SIPA1L1: variants seen among roughly 807,000 people sequenced by gnomAD.
SIPA1L1 encodes the protein signal-induced proliferation-associated 1-like protein 1.
SIPA1L1 carries 26 observed loss-of-function variants against 162.7 expected under a neutral mutation model. The observed-to-expected ratio is 0.16, with a 90% CI of 0.12 to 0.22. The LOEUF is 0.22. Among genes scored for constraint, SIPA1L1 ranks in the 10% least tolerant of loss-of-function variants. The pLI, the probability that SIPA1L1 is intolerant of heterozygous loss-of-function variation, is 1.00. For synonymous variants in SIPA1L1, 829 were observed against 837.4 expected (o/e 0.99, Z 0.17); for missense variants, 1,874 against 2,241.0 (o/e 0.84, Z 3.31).
intron 2 of SIPA1L1, among the ~76,000 whole-genome samples, chr14:71,384,176 A>G (rs948164741): frequency 2.6e-5 from 4 of 152,224 alleles, no homozygotes; most frequent in African/African-American, 4.8e-5. Context: ...TAAAGATCAG[A>G]TAAGTCCAAC....
chr14:71,661,266 G>A (rs1412378674), intron 9 of SIPA1L1, 44 bp from the exon 10 acceptor site: 4 of 1,599,204 alleles, frequency 2.5e-6, no homozygotes, highest in South Asian at 2.2e-5. Flanking sequence ...GGCGGGGGAA[G>A]CAAATGATTG....
intron 2 of SIPA1L1, among the ~76,000 whole-genome samples, chr14:71,327,185 C>T (rs1021221287): frequency 2.0e-5 from 3 of 150,252 alleles, no homozygotes; most frequent in Non-Finnish European, 2.9e-5. Context: ...CGGGTTCAAG[C>T]GATTCTCCTG....
At chr14:71,716,789 T>C (rs2083301790) in intron 17 of SIPA1L1, among the ~76,000 whole-genome samples, 1 of 152,240 alleles carries the variant, frequency 6.6e-6, no homozygotes, top group African/African-American at 2.4e-5. Context: ...TCGCCACAGC[T>C]GGGAATGTAA....
At chr14:71,332,463 A>G (rs2034658852) in intron 2 of SIPA1L1, among the ~76,000 whole-genome samples, 1 of 152,162 alleles carries the variant, frequency 6.6e-6, no homozygotes, top group Admixed American at 6.5e-5. Flanking sequence ...ATATATAGAG[A>G]GAAATAAACA....
intron 5 of SIPA1L1, among the ~76,000 whole-genome samples, chr14:71,604,245 C>G (rs1393710570): frequency 6.6e-6 from 1 of 151,880 alleles, no homozygotes; most frequent in East Asian, 1.9e-4. Context: ...GCCATCTGCT[C>G]CAGCCTCCCA....
At chr14:71,434,007 CT>C (rs1451812954) in intron 2 of SIPA1L1, among the ~76,000 whole-genome samples, 1 of 152,168 alleles carries the variant, frequency 6.6e-6, no homozygotes, top group Non-Finnish European at 1.5e-5. Context: ...TCTCTTTGTC[CT>C]TTGCTTTTCT....
chr14:71,330,810 A>G (rs1000766134), intron 2 of SIPA1L1: 1 of 662,254 alleles, frequency 1.5e-6, no homozygotes, highest in South Asian at 1.7e-5. Flanking sequence ...TTCACTCCAT[A>G]TTCTAGATAT....
At chr14:71,364,546 C>T (rs922847170) in intron 2 of SIPA1L1, among the ~76,000 whole-genome samples, 2 of 152,040 alleles carry the variant, frequency 1.3e-5, no homozygotes, top group African/African-American at 4.8e-5. Context: ...ATTGCTGAGT[C>T]CTGTCCCAGT....
intron 19 of SIPA1L1, among the ~76,000 whole-genome samples, 192 bp from the exon 20 acceptor site, chr14:71,729,863 A>C (rs900831778): frequency 1.3e-5 from 2 of 152,218 alleles, no homozygotes; most frequent in African/African-American, 4.8e-5. Context: ...GCAGCATGCC[A>C]GGCTAAGGAA....
At chr14:71,508,812 C>G (rs527539542) in intron 2 of SIPA1L1, among the ~76,000 whole-genome samples, 15 of 152,066 alleles carry the variant, frequency 9.9e-5, no homozygotes, top group African/African-American at 3.6e-4. Flanking sequence ...TGCTGATTTT[C>G]ATGGGATGAG....
chr14:71,412,994 A>G (rs1364628457), intron 2 of SIPA1L1, among the ~76,000 whole-genome samples: 1 of 152,214 alleles, frequency 6.6e-6, no homozygotes, highest in Non-Finnish European at 1.5e-5. Context: ...ATTTCCAAAT[A>G]TGCAGTGTTT....
chr14:71,650,593 C>A, intron 8 of SIPA1L1, 84 bp downstream of exon 8: 1 of 1,312,424 alleles, frequency 7.6e-7, no homozygotes, highest in Non-Finnish European at 1.1e-6. Context: ...CGTAAAGCAA[C>A]ATTGCCATTT....
intron 5 of SIPA1L1, among the ~76,000 whole-genome samples, chr14:71,590,041 AAAAATAT>A (rs1198832905): frequency 2.0e-3 from 136 of 69,146 alleles, no homozygotes; most frequent in African/African-American, 6.9e-3. Flanking sequence ...AAAAAAAAAA[AAAAATAT>A]ATATATATAT....
At chr14:71,549,681 A>G (rs2055607160) in intron 4 of SIPA1L1, among the ~76,000 whole-genome samples, 1 of 152,126 alleles carries the variant, frequency 6.6e-6, no homozygotes, top group Non-Finnish European at 1.5e-5. Flanking sequence ...ATAAATTCCA[A>G]TGTACCCAGT....
chr14:71,643,890 C>T (rs532108783), intron 7 of SIPA1L1, among the ~76,000 whole-genome samples: 3 of 150,680 alleles, frequency 2.0e-5, no homozygotes, highest in African/African-American at 4.9e-5. Context: ...TCACTGCAAC[C>T]TCTGCCTCCC....
chr14:71,675,652 T>G (rs2045080047), intron 12 of SIPA1L1, among the ~76,000 whole-genome samples: 1 of 152,250 alleles, frequency 6.6e-6, no homozygotes, highest in African/African-American at 2.4e-5. Context: ...TTGTAGCAAC[T>G]AATTACTCTG....
Position 71,651,134 on chromosome 14 carries a change from A to G in SIPA1L1, c.1993+625A>G, listed in dbSNP as rs548544812. 5.9e-5 allele frequency among the ~76,000 whole-genome samples: 9 copies of G among 152,338 alleles called. No homozygotes were observed. In the South Asian group the frequency reaches 1.7e-3, roughly 28 times the overall value. On this transcript the variant is annotated intron_variant, in intron 8 of 23. Transcript: ENST00000381232. ...AAAGGTTGTCCATGTCCAGTCCCCA[A>G]GTTGTCAGTAAAATAGTTAACATTC... is the stretch of plus-strand genomic sequence containing the variant.
intron 4 of SIPA1L1, among the ~76,000 whole-genome samples, chr14:71,564,490 C>T (rs12893871): frequency 5.1e-4 from 50 of 97,774 alleles, no homozygotes; most frequent in East Asian, 1.2e-3. Flanking sequence ...CATTTTCTTT[C>T]TTTTTTTTTT....
In SIPA1L1 at chr14:71,588,350, C is replaced by T. The variant is rs761864425; in HGVS notation, c.478C>T (p.Pro160Ser). ...CAGATTTCTCATGCCTGAAGCCTAC[C>T]CCAGCTCCCCCAGAAAAGCTCTTCG... is the stretch of plus-strand genomic sequence containing the variant. ...DSRFLMPEAYPSSPRKALRRI... is the reference protein window; with the variant it reads ...DSRFLMPEAYSSSPRKALRRI... Residue 160 changes from proline to serine, a missense_variant, in exon 5 of 24, where the codon CCC becomes TCC. Pro to Ser is a moderately conservative substitution (Grantham distance 74). This residue lies in a region of SIPA1L1 where 685 missense variants were observed against 828.0 expected (regional missense o/e 0.83). Coordinates refer to ENST00000381232, the MANE Select transcript of SIPA1L1 (RefSeq NM_001386936.1). The surrounding 1 kb of genome is among the most constrained non-coding windows in gnomAD (Gnocchi z 4.3). 1 of 1,613,712 alleles carries T rather than the reference C, an allele frequency of 6.2e-7. No homozygotes were observed. The highest frequency in any genetic ancestry group is 2.2e-5 in the East Asian group (1 of 44,846).
Sources: allele counts gnomAD v4.1 joint callset (sites outside exome capture counted in the v4.1 genomes callset), GRCh38; gene constraint gnomAD v4.1.1; regional missense constraint gnomAD v4.1.1; non-coding constraint Gnocchi (gnomAD v3.1); transcripts MANE v1.5; gene names NCBI Gene and HGNC (gene_info 2026-07-23, HGNC 2026-07-21).